Variants in CAD observed in about 807,000 individuals in gnomAD.
The protein encoded by CAD is multifunctional protein CAD.
In CAD, 81 loss-of-function variants were observed where a neutral mutation model predicts 237.2. That is an observed-to-expected ratio of 0.34 (90% CI 0.29 to 0.41). The LOEUF (loss-of-function observed/expected upper bound fraction) is 0.41, where lower values mean the gene tolerates loss of function less well. Ranked by LOEUF, CAD falls within the 10% of genes least tolerant of loss-of-function variation. The pLI is 1.00. For synonymous variants in CAD, 1,196 were observed against 1,162.8 expected (o/e 1.03, Z -0.58); for missense variants, 2,181 against 2,951.7 (o/e 0.74, Z 6.05).
chr2:27,222,786 C>T (rs1364652669), intron 5 of CAD, 80 bp from the exon 6 acceptor site: 1 of 1,578,114 alleles, frequency 6.3e-7, no homozygotes, highest in Admixed American at 1.7e-5. Context: ...ACTTAACACT[C>T]TCATGGGCTG....
Position 27,232,401 on chromosome 2 carries a change from G to A in CAD, c.2646-47G>A, listed in dbSNP as rs1231716808. ...TGGGGTCTCAACCCTCTATCAGTCT[G>A]TACCCTACTCTCTGGGCCTGTGTTT... On this transcript the variant is annotated intron_variant, in intron 17 of 43. Coordinates refer to ENST00000264705, the MANE Select transcript of CAD (RefSeq NM_004341.5). The surrounding 1 kb of genome is among the most constrained non-coding windows in gnomAD (Gnocchi z 4.1). 1.2e-6 allele frequency: 2 copies of A among 1,611,348 alleles called. No homozygotes were observed. Among genetic ancestry groups the A allele is most frequent in the South Asian group, 1.1e-5 (1 of 90,472 alleles).
At chr2:27,226,810 C>T in intron 14 of CAD, 22 bp from the exon 15 acceptor site, 4 of 1,613,538 alleles carry the variant, frequency 2.5e-6, no homozygotes, top group Non-Finnish European at 3.4e-6. Flanking sequence ...GTCCTTCTGG[C>T]ATCCCACCTG....
In CAD at chr2:27,236,121, G is replaced by A. The variant is rs1675990034; in HGVS notation, c.4075-163G>A. ...TTAGTGTAGATATCTTTCCTGCCAA[G>A]AAATACACTTTGCCAGTATCAAATA... is the stretch of plus-strand genomic sequence containing the variant. On this transcript the variant is annotated intron_variant, in intron 25 of 43. Transcript: ENST00000264705. This position sits in a 1 kb window ranked among gnomAD's most constrained non-coding sequence, Gnocchi z 4.1. Among the ~76,000 whole-genome samples the A allele has an allele frequency of 6.7e-6, 1 of 149,968 alleles. No homozygotes were observed. The highest frequency in any genetic ancestry group is 1.5e-5 in the Non-Finnish European group (1 of 67,218).
In CAD at chr2:27,237,756, C is replaced by T. The variant is rs1232147434; in HGVS notation, c.4602C>T (p.Phe1534=). The change falls in exon 29 of 44, where the codon TTC becomes TTT. Residue 1534 remains phenylalanine (F), a synonymous_variant. Coordinates refer to ENST00000264705, the MANE Select transcript of CAD (RefSeq NM_004341.5). The surrounding 1 kb of genome is among the most constrained non-coding windows in gnomAD (Gnocchi z 4.0). ...EAGARCDFAL[F]LGASSENAGT... ...GCGCCCGGTGCGACTTTGCGCTATT[C>T]CTTGGGGCCTCGTCTGAAAATGCAG... is the stretch of plus-strand genomic sequence containing the variant. 1 of 1,614,182 alleles carries T rather than the reference C, an allele frequency of 6.2e-7. No homozygotes were observed.
chr2:27,232,110 T>C lies in CAD; in HGVS notation c.2531T>C (p.Ile844Thr), dbSNP rs775392905. ...TTCCTGCACCGAATGAAGCGTATCA[T>C]CGCACATGCCCAGCTGCTAGAACAA... ...RWFLHRMKRI[I>T]AHAQLLEQHR... The change falls in exon 17 of 44, where the codon ATC becomes ACC. Residue 844 changes from isoleucine (I) to threonine (T), a missense_variant. Ile to Thr is a moderately conservative substitution (Grantham distance 89). Transcript: ENST00000264705. The surrounding 1 kb of genome is among the most constrained non-coding windows in gnomAD (Gnocchi z 4.1). The C allele has an allele frequency of 1.2e-6, 2 of 1,614,118 alleles. No homozygotes were observed. The highest frequency in any genetic ancestry group is 2.7e-5 in the African/African-American group (2 of 74,946).
At chr2:27,220,034 A>G (rs1349746000) in intron 2 of CAD, among the ~76,000 whole-genome samples, 1 of 152,170 alleles carries the variant, frequency 6.6e-6, no homozygotes, top group Admixed American at 6.5e-5. Context: ...TAATATTTAT[A>G]TGGGTGTTAC....
chr2:27,219,867 G>A (rs1006527016), intron 2 of CAD, among the ~76,000 whole-genome samples: 3 of 152,180 alleles, frequency 2.0e-5, no homozygotes, highest in Admixed American at 1.3e-4. Context: ...GGGATTACAG[G>A]CGTGAGCCAC....
chr2:27,241,381 C>A lies in CAD; in HGVS notation c.5868C>A (p.Ser1956Arg). Residue 1956 changes from serine to arginine, a missense_variant, in exon 38 of 44, where the codon AGC (serine) becomes AGA (arginine). By Grantham distance (110) the Ser-to-Arg change is moderately radical. Around this residue, in one of 12 missense-constraint regions of CAD, gnomAD observed 203 missense variants for 284.5 expected, o/e 0.71. Transcript: ENST00000264705. The surrounding 1 kb of genome is among the most constrained non-coding windows in gnomAD (Gnocchi z 4.6). ...TLRMMVQKER[S>R]LDILKGKVMA... ...GTATGATGGTGCAGAAGGAGCGGAG[C>A]CTCGACATCCTGAAGGTCAGGATCA... The A allele has an allele frequency of 6.2e-7, 1 of 1,614,178 alleles. No individual in the cohort carries two copies. Among genetic ancestry groups the A allele is most frequent in the Non-Finnish European group, 8.5e-7 (1 of 1,180,018 alleles).
At chr2:27,221,780 T>TC (rs1553366606) in intron 3 of CAD, among the ~76,000 whole-genome samples, 16 of 118,886 alleles carry the variant, frequency 1.3e-4, no homozygotes, top group South Asian at 5.8e-4. Context: ...TTTTTTTTTT[T>TC]CTGTTCATTT....
chr2:27,241,372 G>C lies in CAD; in HGVS notation c.5859G>C (p.Lys1953Asn), dbSNP rs1402425484. 1 of 1,614,240 alleles carries C rather than the reference G, an allele frequency of 6.2e-7. No homozygotes were observed. ...VAHTLRMMVQ[K>N]ERSLDILKGK... The stretch of plus-strand genomic sequence containing the variant: ...ACACACTGCGTATGATGGTGCAGAA[G>C]GAGCGGAGCCTCGACATCCTGAAGG... The change falls in exon 38 of 44, where the codon AAG (lysine) becomes AAC (asparagine). Residue 1953 changes from lysine to asparagine, a missense_variant. Lys to Asn is a moderately conservative substitution (Grantham distance 94). Coordinates refer to ENST00000264705, the MANE Select transcript of CAD (RefSeq NM_004341.5). The surrounding 1 kb of genome is among the most constrained non-coding windows in gnomAD (Gnocchi z 4.6).
At position 27,233,168 on chromosome 2, in the gene CAD, C is replaced by T. The variant is rs753934380; in HGVS notation, c.2991+28C>T. ...GAGGGAGATGGAGGCTTCCTGGTAG[C>T]TTGAGTGGCCAGGGTCGAGTAGAAC... On this transcript the variant is annotated intron_variant, in intron 19 of 43. Transcript: ENST00000264705. This position sits in a 1 kb window ranked among gnomAD's most constrained non-coding sequence, Gnocchi z 6.3. The T allele has an allele frequency of 6.4e-7, 1 of 1,555,982 alleles. No individual in the cohort carries two copies. The highest frequency in any genetic ancestry group is 8.9e-7 in the Non-Finnish European group (1 of 1,127,210).
At position 27,217,466 on chromosome 2, in the gene CAD, C is replaced by T. The variant is rs1029060287; in HGVS notation, c.-86C>T. ...CGCCGTTAGCCACGTGGACCGACTC[C>T]GGCGCGCCGTCCTCACGTGGTTCCA... On this transcript the variant is annotated 5_prime_UTR_variant, in exon 1 of 44. Transcript: ENST00000264705. 6 of 1,212,334 alleles carry T rather than the reference C, an allele frequency of 4.9e-6. No individual in the cohort carries two copies. Among genetic ancestry groups the T allele is most frequent in the African/African-American group, 3.0e-5 (2 of 66,114 alleles). 75.1% of individuals were successfully genotyped at this position (1,212,334 alleles called of 1,614,324 possible).
In CAD at chr2:27,229,986, C is replaced by A. The variant is rs548715711; in HGVS notation, c.2288-1482C>A. On this transcript the variant is annotated intron_variant, in intron 15 of 43. Transcript: ENST00000264705. ...GGCGCAGTGGCACACGCCTGTAATC[C>A]CAGCACTTTGGGAGGCCGAGGCAGG... 1.4e-4 allele frequency among the ~76,000 whole-genome samples: 22 copies of A among 152,214 alleles called. No homozygotes were observed. The South Asian group carries it at 4.1e-3, about 29-fold the overall frequency.
intron 3 of CAD, among the ~76,000 whole-genome samples, chr2:27,221,687 C>T (rs781546297): frequency 6.0e-5 from 9 of 149,820 alleles, no homozygotes; most frequent in African/African-American, 1.2e-4. Flanking sequence ...ATCATAATAA[C>T]GTCATACACT....
chr2:27,222,438 A>C, intron 4 of CAD, 81 bp from the exon 5 acceptor site: 1 of 1,573,600 alleles, frequency 6.4e-7, no homozygotes, highest in Non-Finnish European at 8.7e-7. Context: ...GGAGGCTTTG[A>C]AGGTAGGAGT....
At chr2:27,224,563 T>C in intron 9 of CAD, 73 bp downstream of exon 9, 1 of 1,576,998 alleles carries the variant, frequency 6.3e-7, no homozygotes, top group South Asian at 1.2e-5. Flanking sequence ...GGAGAAGGGC[T>C]AAGGTTGCAG....
rs148038898 is a variant in CAD at position 27,240,295 on chromosome 2, G to A, written c.5527G>A (p.Gly1843Arg). ...TPERPRRGIP[G>R]LPDGRFHLPP... is the part of the protein sequence containing the mutation. ...TGAAAGACCCCGCCGTGGCATCCCA[G>A]GGCTTCCTGATGGCCGCTTCCATCT... Residue 1843 changes from glycine (G) to arginine (R), a missense_variant, in exon 35 of 44, where the codon GGG (glycine) becomes AGG (arginine). Physicochemically the swap from Gly to Arg is moderately radical, Grantham distance 125. Coordinates refer to ENST00000264705, the MANE Select transcript of CAD (RefSeq NM_004341.5). The surrounding 1 kb of genome is among the most constrained non-coding windows in gnomAD (Gnocchi z 4.6). 30 of 1,613,456 alleles carry A rather than the reference G, an allele frequency of 1.9e-5. No homozygotes were observed. The highest frequency in any genetic ancestry group is 2.5e-5 in the Non-Finnish European group (29 of 1,179,968).
Position 27,235,522 on chromosome 2 carries a change from C to T in CAD, c.3970-14C>T. 1 of 1,613,706 alleles carries T rather than the reference C, an allele frequency of 6.2e-7. No homozygotes were observed. Among genetic ancestry groups the T allele is most frequent in the Non-Finnish European group, 8.5e-7 (1 of 1,179,672 alleles). On this transcript the variant is annotated splice_polypyrimidine_tract_variant and intron_variant, in intron 24 of 43. Transcript: ENST00000264705. This position sits in a 1 kb window ranked among gnomAD's most constrained non-coding sequence, Gnocchi z 5.2. Reference sequence around the variant, plus strand: ...ACAGGAAGAAAACAATTTCATCCTTCTGTTTGGTTTCAGAACAAAAGCGAG... The same window carrying T: ...ACAGGAAGAAAACAATTTCATCCTTTTGTTTGGTTTCAGAACAAAAGCGAG...
At position 27,223,972 on chromosome 2, in the gene CAD, G is replaced by A. The variant is rs371150372; in HGVS notation, c.1051G>A (p.Asp351Asn). ...CCCTTCAGATATGGAACTGCTTTTC[G>A]ATATCTTTCTGGAAACTGTGAAAGA... ...AGPSDMELLF[D>N]IFLETVKEAT... is the part of the protein sequence containing the mutation. The change falls in exon 8 of 44, where the codon GAT becomes AAT. Residue 351 changes from aspartate to asparagine, a missense_variant. Transcript: ENST00000264705. 26 of 1,613,928 alleles carry A rather than the reference G, an allele frequency of 1.6e-5. No homozygotes were observed. The highest frequency in any genetic ancestry group is 5.0e-5 in the Admixed American group (3 of 60,002).
Sources: allele counts gnomAD v4.1 joint callset (sites outside exome capture counted in the v4.1 genomes callset), GRCh38; gene constraint gnomAD v4.1.1; regional missense constraint gnomAD v4.1.1; non-coding constraint Gnocchi (gnomAD v3.1); transcripts MANE v1.5; gene names NCBI Gene and HGNC (gene_info 2026-07-23, HGNC 2026-07-21).